GLCE: variants seen among roughly 807,000 people sequenced by gnomAD.
GLCE encodes D-glucuronyl C5-epimerase.
Under a neutral mutation model 47.9 loss-of-function variants are expected in GLCE, and 19 were observed. The ratio of observed to expected loss-of-function variants is 0.40; its 90% CI spans 0.28 to 0.58. The LOEUF (loss-of-function observed/expected upper bound fraction) is 0.58, where lower values mean the gene tolerates loss of function less well. Among genes scored for constraint, GLCE ranks in the 20% least tolerant of loss-of-function variants. The pLI is 0.48. For synonymous variants in GLCE, 245 were observed against 263.4 expected, an observed-to-expected ratio of 0.93 and a Z score of 0.68; for missense variants, 556 against 743.3, an observed-to-expected ratio of 0.75 and a Z score of 2.93.
At chr15:69,188,766 A>G (rs1351513505) in intron 1 of GLCE, among the ~76,000 whole-genome samples, 1 of 152,016 alleles carries the variant, frequency 6.6e-6, no homozygotes. Context: ...TGATATTGGT[A>G]ATTTATGTAT....
intron 2 of GLCE, among the ~76,000 whole-genome samples, chr15:69,231,602 CAT>C (rs950924997): frequency 9.2e-5 from 14 of 151,986 alleles, no homozygotes; most frequent in African/African-American, 3.1e-4. Context: ...TTAAAAATCA[CAT>C]GTTAAGTGAG....
chr15:69,178,504 A>T (rs1184857749), intron 1 of GLCE, among the ~76,000 whole-genome samples: 1 of 152,128 alleles, frequency 6.6e-6, no homozygotes, highest in East Asian at 1.9e-4. Context: ...AGGGACTGTT[A>T]TGAGTATTAG....
chr15:69,171,650 C>T (rs1020574894), intron 1 of GLCE, among the ~76,000 whole-genome samples: 29 of 152,242 alleles, frequency 1.9e-4, no homozygotes, highest in African/African-American at 6.3e-4. Context: ...CCCACCTTGA[C>T]CTCCCAAAGT....
intron 2 of GLCE, among the ~76,000 whole-genome samples, chr15:69,251,934 A>G (rs926079718): frequency 6.6e-6 from 1 of 152,310 alleles, no homozygotes; most frequent in East Asian, 1.9e-4. Flanking sequence ...AGTTTTAGCA[A>G]TTAGCAATAA....
At chr15:69,255,327 A>G (rs2052905840) in intron 2 of GLCE, among the ~76,000 whole-genome samples, 1 of 152,214 alleles carries the variant, frequency 6.6e-6, no homozygotes. Flanking sequence ...TTTAAGCATC[A>G]ACGTGATGCT....
intron 2 of GLCE, among the ~76,000 whole-genome samples, chr15:69,243,056 C>A (rs62009515): frequency 1.2e-5 from 1 of 84,868 alleles, no homozygotes. Context: ...GAGATCCTGT[C>A]CAAAAAAAAA....
At chr15:69,214,171 C>T (rs954209037) in intron 2 of GLCE, among the ~76,000 whole-genome samples, 1 of 152,048 alleles carries the variant, frequency 6.6e-6, no homozygotes, top group Non-Finnish European at 1.5e-5. Context: ...CATCTGGGTG[C>T]TAGGTATGTT....
intron 1 of GLCE, among the ~76,000 whole-genome samples, chr15:69,200,088 C>T (rs1273320579): frequency 6.6e-6 from 1 of 152,058 alleles, no homozygotes; most frequent in East Asian, 1.9e-4. Flanking sequence ...GTGAGATAGC[C>T]TGTGACAAAA....
chr15:69,169,517 A>G (rs1054649818), intron 1 of GLCE, among the ~76,000 whole-genome samples: 7 of 152,042 alleles, frequency 4.6e-5, no homozygotes, highest in Non-Finnish European at 1.0e-4. Context: ...CGTCATTTAC[A>G]TTAGGTATAT....
rs1398740984 is a variant in GLCE at position 69,269,344 on chromosome 15, G to GTTTT, written c.*102_*105dup. 8.8e-6 allele frequency: 8 copies of GTTTT among 908,100 alleles called. No homozygotes were observed. The African/African-American group carries it at 1.2e-4, about 13-fold the overall frequency. The allele number at this position is 908,100 out of a possible 1,614,324, so 56.3% of individuals were successfully genotyped here. ...CACATTTTAAAAGGTTATGTACTAG[G>GTTTT]TTTTTGTGGATTCTATCAAAGTGAT... On this transcript the variant is annotated 3_prime_UTR_variant, in exon 5 of 5. Transcript: ENST00000261858.
At chr15:69,247,211 AGT>A (rs1303925819) in intron 2 of GLCE, among the ~76,000 whole-genome samples, 1 of 152,198 alleles carries the variant, frequency 6.6e-6, no homozygotes, top group African/African-American at 2.4e-5. Context: ...AAATCTGTTT[AGT>A]GTGGCTGCTT....
At chr15:69,268,090 A>G (rs904033040) in intron 4 of GLCE, 130 bp from the exon 5 acceptor site, 11 of 596,430 alleles carry the variant, frequency 1.8e-5, no homozygotes, top group Admixed American at 3.3e-5. Context: ...ATTACAAATG[A>G]TCTGATACTA....
intron 2 of GLCE, among the ~76,000 whole-genome samples, chr15:69,250,016 G>C (rs1357393842): frequency 6.6e-6 from 1 of 151,876 alleles, no homozygotes; most frequent in East Asian, 1.9e-4. Context: ...GATTTTTATT[G>C]GATTATATTT....
At chr15:69,193,272 T>G (rs756311492) in intron 1 of GLCE, among the ~76,000 whole-genome samples, 2 of 152,174 alleles carry the variant, frequency 1.3e-5, no homozygotes, top group South Asian at 4.1e-4. Context: ...TATCATAGAC[T>G]TGTGCTGCCT....
intron 1 of GLCE, among the ~76,000 whole-genome samples, chr15:69,175,916 A>G (rs1208693198): frequency 1.3e-5 from 2 of 152,236 alleles, no homozygotes; most frequent in African/African-American, 4.8e-5. Flanking sequence ...GAATTTACTG[A>G]GTATATAACC....
intron 1 of GLCE, among the ~76,000 whole-genome samples, chr15:69,172,518 T>G (rs952801931): frequency 6.6e-6 from 1 of 152,234 alleles, no homozygotes; most frequent in Non-Finnish European, 1.5e-5. Flanking sequence ...TAAATGCTTT[T>G]ACATAGGTTG....
At chr15:69,202,888 A>T (rs2052095500) in intron 1 of GLCE, among the ~76,000 whole-genome samples, 1 of 152,078 alleles carries the variant, frequency 6.6e-6, no homozygotes, top group Non-Finnish European at 1.5e-5. Flanking sequence ...CTGACCTTTA[A>T]TGTTTCTAAA....
intron 2 of GLCE, among the ~76,000 whole-genome samples, chr15:69,237,982 C>CT (rs1215148905): frequency 6.6e-6 from 1 of 152,128 alleles, no homozygotes; most frequent in African/African-American, 2.4e-5. Flanking sequence ...AAGCAGAGAG[C>CT]TTTTAAAGTT....
intron 1 of GLCE, among the ~76,000 whole-genome samples, chr15:69,209,758 G>A (rs780963577): frequency 6.6e-6 from 1 of 152,032 alleles, no homozygotes; most frequent in African/African-American, 2.4e-5. Flanking sequence ...CCTCTTTAAT[G>A]TTCACTCCCT....
Sources: allele counts gnomAD v4.1 joint callset (sites outside exome capture counted in the v4.1 genomes callset), GRCh38; gene constraint gnomAD v4.1.1; transcripts MANE v1.5; gene names NCBI Gene and HGNC (gene_info 2026-07-23, HGNC 2026-07-21).